Variants in MS4A4A observed in about 807,000 individuals in gnomAD.
The protein encoded by MS4A4A is membrane spanning 4-domains A4A.
Under a neutral mutation model 28.0 loss-of-function variants are expected in MS4A4A, and 26 were observed. The observed-to-expected ratio is 0.93, with a 90% confidence interval of 0.68 to 1.29. The LOEUF is 1.29. MS4A4A is among the 50% of genes most tolerant of loss of function. The pLI is 0.00. For missense variants in MS4A4A, 290 were observed against 293.1 expected (o/e 0.99, Z 0.08); for synonymous variants, 86 against 100.8 (o/e 0.85, Z 0.88).
chr11:60,292,491 C>T, intron 2 of MS4A4A, 107 bp downstream of exon 2: 2 of 1,134,318 alleles, frequency 1.8e-6, no homozygotes, highest in Non-Finnish European at 2.4e-6. Context: ...ACAGCCAACC[C>T]TCACGACGTC....
intron 6 of MS4A4A, among the ~76,000 whole-genome samples, chr11:60,307,905 C>G (rs531283365): frequency 6.6e-6 from 1 of 152,274 alleles, no homozygotes; most frequent in Admixed American, 6.5e-5. Flanking sequence ...ATCAGCAGCT[C>G]AGGTCAAGAG....
intron 1 of MS4A4A, among the ~76,000 whole-genome samples, chr11:60,281,233 G>A (rs991871890): frequency 3.3e-5 from 5 of 152,046 alleles, no homozygotes; most frequent in Admixed American, 1.3e-4. Flanking sequence ...GTTCTCCAGT[G>A]GTCTTTGGCA....
At chr11:60,283,540 G>A (rs1172698291) in intron 1 of MS4A4A, among the ~76,000 whole-genome samples, 1 of 152,074 alleles carries the variant, frequency 6.6e-6, no homozygotes, top group East Asian at 1.9e-4. Context: ...AGGAAGATTT[G>A]CGCCACCTTA....
At chr11:60,306,339 G>T in intron 6 of MS4A4A, 138 bp downstream of exon 6, 1 of 733,604 alleles carries the variant, frequency 1.4e-6, no homozygotes. Flanking sequence ...GAGCCCAGCT[G>T]AAGTATGTCC....
intron 2 of MS4A4A, 111 bp from the exon 3 acceptor site, chr11:60,297,086 T>C: frequency 7.7e-7 from 1 of 1,304,780 alleles, no homozygotes; most frequent in African/African-American, 1.5e-5. Flanking sequence ...AAGAAGGTCA[T>C]ATGACTATCA....
Position 60,308,316 on chromosome 11 carries a change from A to G in MS4A4A, c.*138A>G, listed in dbSNP as rs1429386506. ...TATTATTATTATATGTAATCCAATT[A>G]TGAACTGTGTGTGTATAGAGAGATA... On this transcript the variant is annotated 3_prime_UTR_variant, in exon 7 of 7. Coordinates refer to ENST00000337908, the MANE Select transcript of MS4A4A (RefSeq NM_148975.3). 8.1e-6 allele frequency: 6 copies of G among 742,450 alleles called. No individual in the cohort carries two copies. The highest frequency in any genetic ancestry group is 1.3e-5 in the Non-Finnish European group (6 of 448,864). The allele number at this position is 742,450 out of a possible 1,614,324, so 46.0% of individuals were successfully genotyped here. A position where few individuals can be genotyped will look rare whatever the true frequency, so the allele number is the denominator to read the frequency against.
chr11:60,306,050 C>T, intron 5 of MS4A4A, 50 bp from the exon 6 acceptor site: 2 of 1,450,606 alleles, frequency 1.4e-6, no homozygotes, highest in Non-Finnish European at 1.9e-6. Context: ...GAAATGTTTT[C>T]ACTTGTCATC....
At chr11:60,303,312 G>A (rs1189766472) in intron 5 of MS4A4A, among the ~76,000 whole-genome samples, 1 of 152,184 alleles carries the variant, frequency 6.6e-6, no homozygotes, top group African/African-American at 2.4e-5. Context: ...TATTTTGTAG[G>A]TAGTAAAACT....
chr11:60,305,578 A>T (rs1223070840), intron 5 of MS4A4A, among the ~76,000 whole-genome samples: 1 of 152,220 alleles, frequency 6.6e-6, no homozygotes, highest in African/African-American at 2.4e-5. Flanking sequence ...TTTTGAACCC[A>T]CCTGAATAAT....
chr11:60,281,793 A>T (rs751824822), intron 1 of MS4A4A, among the ~76,000 whole-genome samples: 1 of 152,166 alleles, frequency 6.6e-6, no homozygotes, highest in Non-Finnish European at 1.5e-5. Flanking sequence ...CCACCTCTTT[A>T]TCAGGGGTGT....
At chr11:60,292,191 A>C in intron 1 of MS4A4A, 34 bp from the exon 2 acceptor site, 1 of 1,506,724 alleles carries the variant, frequency 6.6e-7, no homozygotes, top group Non-Finnish European at 8.9e-7. Flanking sequence ...TGCCATTTCC[A>C]GGACATCATA....
intron 5 of MS4A4A, chr11:60,305,691 T>G: frequency 6.3e-6 from 1 of 158,162 alleles, no homozygotes; most frequent in Non-Finnish European, 1.4e-5. Flanking sequence ...CAGGGAGGTC[T>G]GCATTCTAAT....
intron 3 of MS4A4A, among the ~76,000 whole-genome samples, chr11:60,299,448 C>CTTTTTTT (rs5792179): frequency 9.7e-5 from 11 of 113,184 alleles, no homozygotes; most frequent in South Asian, 5.9e-4. Flanking sequence ...AATTACAATT[C>CTTTTTTT]TTTTTTTTTT....
At chr11:60,280,830 C>A (rs2084749339) in intron 1 of MS4A4A, 114 bp downstream of exon 1, 4 of 1,256,024 alleles carry the variant, frequency 3.2e-6, no homozygotes, top group Admixed American at 4.2e-5. Flanking sequence ...TTCCCATGAC[C>A]CAAGCTGGTA....
At chr11:60,284,440 C>A (rs1475046695) in intron 1 of MS4A4A, among the ~76,000 whole-genome samples, 1 of 152,170 alleles carries the variant, frequency 6.6e-6, no homozygotes, top group African/African-American at 2.4e-5. Context: ...CCTGCTCCAA[C>A]CTTCTCCGGT....
At chr11:60,283,166 T>C (rs188483397) in intron 1 of MS4A4A, among the ~76,000 whole-genome samples, 13 of 152,238 alleles carry the variant, frequency 8.5e-5, no homozygotes, top group Admixed American at 7.2e-4. Flanking sequence ...CATTGTGGCT[T>C]ACTGCAGCCT....
At position 60,291,844 on chromosome 11, in the gene MS4A4A, G is replaced by A. The variant is rs1425612478; in HGVS notation, c.42-381G>A. 2.0e-5 allele frequency among the ~76,000 whole-genome samples: 3 copies of A among 151,170 alleles called. No individual in the cohort carries two copies. The East Asian group carries it at 5.8e-4, about 29-fold the overall frequency. The stretch of plus-strand genomic sequence containing the variant: ...AAACTAAAAAACAAAGTAATCCTTT[G>A]TGGGTAAGTGGCTGTAATCAAGGGA... On this transcript the variant is annotated intron_variant, in intron 1 of 6. Coordinates refer to ENST00000337908, the MANE Select transcript of MS4A4A (RefSeq NM_148975.3).
At chr11:60,294,892 A>ACTACTACTTCTTCTTCTTCTT (rs60374079) in intron 2 of MS4A4A, among the ~76,000 whole-genome samples, 6,326 of 130,148 alleles carry the variant, frequency 0.049, 313 homozygotes, top group Middle Eastern at 0.13. Flanking sequence ...TACAACTACT[A>ACTACTACTTCTTCTTCTTCTT]CTTCTTCTTC....
At position 60,308,236 on chromosome 11, in the gene MS4A4A, G is replaced by A; in HGVS notation, c.*58G>A. 1 of 1,526,964 alleles carries A rather than the reference G, an allele frequency of 6.5e-7. No individual in the cohort carries two copies. The highest frequency in any genetic ancestry group is 9.1e-7 in the Non-Finnish European group (1 of 1,102,708). 94.6% of individuals were successfully genotyped at this position (1,526,964 alleles called of 1,614,324 possible). The stretch of plus-strand genomic sequence containing the variant: ...GAAATCTATGCTGACTGTGACACAA[G>A]AGCCTCACATGAGAAATTACCAGTA... On this transcript the variant is annotated 3_prime_UTR_variant, in exon 7 of 7. Coordinates refer to ENST00000337908, the MANE Select transcript of MS4A4A (RefSeq NM_148975.3).
Sources: allele counts gnomAD v4.1 joint callset (sites outside exome capture counted in the v4.1 genomes callset), GRCh38; gene constraint gnomAD v4.1.1; transcripts MANE v1.5; gene names NCBI Gene and HGNC (gene_info 2026-07-23, HGNC 2026-07-21).